Variants in ANKMY1 observed in about 807,000 individuals in gnomAD.
ANKMY1 encodes ankyrin repeat and MYND domain containing 1.
In ANKMY1, 98 loss-of-function variants were observed where a neutral mutation model predicts 102.0. That is an observed-to-expected ratio of 0.96 (90% CI 0.82 to 1.14). The LOEUF is 1.14. Among genes scored for constraint, ANKMY1 ranks in the 50% most tolerant of loss-of-function variants. ANKMY1 has a pLI of 0.00. For synonymous variants in ANKMY1, 582 were observed against 559.9 expected (o/e 1.04, Z -0.56); for missense variants, 1,330 against 1,347.6 (o/e 0.99, Z 0.20).
intron 15 of ANKMY1, among the ~76,000 whole-genome samples, chr2:240,497,229 G>A (rs1393917542): frequency 6.6e-6 from 1 of 152,094 alleles, no homozygotes. Context: ...TAAGAATGGA[G>A]CTGCCACCTC....
intron 1 of ANKMY1, 120 bp from the exon 2 acceptor site, chr2:240,557,472 G>A (rs908448924): frequency 1.1e-5 from 13 of 1,209,532 alleles, no homozygotes; most frequent in South Asian, 2.2e-5. Flanking sequence ...TCCCTGAACC[G>A]CGCCGGAGCC....
rs2081967609 is a variant in ANKMY1 at position 240,520,354 on chromosome 2, GCTC to G, written c.2004+5_2004+7del. The G allele has an allele frequency of 1.3e-6, 2 of 1,534,478 alleles. No homozygotes were observed. Among genetic ancestry groups the G allele is most frequent in the Non-Finnish European group, 1.8e-6 (2 of 1,136,742 alleles). ...CTCGTCCCGGCGCCCGCCCGCCGCG[GCTC>G]CTACCTGCGGCGGAAAGCAGATGTC... On this transcript the variant is annotated splice_donor_5th_base_variant and intron_variant, in intron 9 of 17. Transcript: ENST00000401804. This position sits in a 1 kb window ranked among gnomAD's most constrained non-coding sequence, Gnocchi z 4.8.
upstream of ANKMY1, chr2:240,561,035 C>T (rs2092936252): frequency 2.6e-6 from 4 of 1,529,080 alleles, no homozygotes; most frequent in African/African-American, 1.4e-5. Context: ...GCACCGCGTA[C>T]CTCATGCGGC....
At chr2:240,536,774 C>T (rs922400988) in intron 4 of ANKMY1, among the ~76,000 whole-genome samples, 1 of 152,192 alleles carries the variant, frequency 6.6e-6, no homozygotes, top group Non-Finnish European at 1.5e-5. Flanking sequence ...AATAAAAAGA[C>T]TATGCTTTTT....
chr2:240,557,988 C>G lies in ANKMY1; in HGVS notation c.-125G>C. The G allele has an allele frequency of 1.0e-6, 1 of 985,502 alleles. No homozygotes were observed. Among genetic ancestry groups the G allele is most frequent in the East Asian group, 1.1e-4 (1 of 8,798 alleles). The allele number at this position is 985,502 out of a possible 1,614,324, so 61.0% of individuals were successfully genotyped here. ...CGACTGCTTGCCAGCCCTGCGCCTA[C>G]GGAGAGCGTCGCGTTTCCCTGGAGA... On this transcript the variant is annotated 5_prime_UTR_variant, in exon 1 of 18. Transcript: ENST00000401804.
At chr2:240,512,531 C>T (rs903583206) in intron 10 of ANKMY1, among the ~76,000 whole-genome samples, 4 of 152,230 alleles carry the variant, frequency 2.6e-5, no homozygotes, top group Non-Finnish European at 4.4e-5. Flanking sequence ...GCAAAAGGTC[C>T]GCATGGGGAC....
chr2:240,517,244 C>T (rs576398535), intron 9 of ANKMY1, among the ~76,000 whole-genome samples: 1 of 152,292 alleles, frequency 6.6e-6, no homozygotes, highest in South Asian at 2.1e-4. Context: ...TTTATAGAGT[C>T]AATGAGAACC....
intron 4 of ANKMY1, among the ~76,000 whole-genome samples, chr2:240,541,501 G>A (rs1272726933): frequency 7.0e-6 from 1 of 141,974 alleles, no homozygotes; most frequent in African/African-American, 2.6e-5. Context: ...TTATGTTGTT[G>A]CTTTTTTTTT....
At chr2:240,501,724 G>A (rs78152510) in intron 13 of ANKMY1, among the ~76,000 whole-genome samples, 18,322 of 152,292 alleles carry the variant, frequency 0.12, 1,183 homozygotes, top group African/African-American at 0.16. Context: ...AGTGCGGGAC[G>A]GTGGAATGGC....
chr2:240,545,162 G>C (rs1380717688), intron 4 of ANKMY1, among the ~76,000 whole-genome samples: 1 of 152,240 alleles, frequency 6.6e-6, no homozygotes, highest in Non-Finnish European at 1.5e-5. Context: ...CTGGAGATCT[G>C]AGAACGGGCA....
In ANKMY1 at chr2:240,499,869, G is replaced by A; in HGVS notation, c.2806+89C>T. On this transcript the variant is annotated intron_variant, in intron 15 of 17. Coordinates refer to ENST00000401804, the MANE Select transcript of ANKMY1 (RefSeq NM_001282771.3). This position sits in a 1 kb window ranked among gnomAD's most constrained non-coding sequence, Gnocchi z 4.2. ...CAGGAAGGCCCCTCCAAGAGCCCCA[G>A]GGGGTCCAGATCTCCAGGGATAACA... 1 of 1,459,596 alleles carries A rather than the reference G, an allele frequency of 6.9e-7. No individual in the cohort carries two copies. Among genetic ancestry groups the A allele is most frequent in the Non-Finnish European group, 9.1e-7 (1 of 1,095,880 alleles). The allele number at this position is 1,459,596 out of a possible 1,614,324, so 90.4% of individuals were successfully genotyped here. A position where few individuals can be genotyped will look rare whatever the true frequency, so the allele number is the denominator to read the frequency against.
upstream of ANKMY1, chr2:240,560,875 C>T: frequency 1.4e-6 from 2 of 1,422,564 alleles, no homozygotes; most frequent in South Asian, 1.3e-5. Context: ...CCCGGCGTGG[C>T]AGAGCTGCGC....
chr2:240,557,469 AC>A (rs2092498042), intron 1 of ANKMY1, 117 bp from the exon 2 acceptor site: 2 of 1,231,854 alleles, frequency 1.6e-6, no homozygotes, highest in Non-Finnish European at 2.1e-6. Context: ...CCCTCCCTGA[AC>A]CGCGCCGGAG....
upstream of ANKMY1, chr2:240,560,369 C>G (rs1436967130): frequency 2.0e-5 from 5 of 249,916 alleles, no homozygotes; most frequent in Non-Finnish European, 3.0e-5. Flanking sequence ...AGACGCAAGC[C>G]CAGTGCCACA....
At chr2:240,555,249 A>G in intron 2 of ANKMY1, 194 bp from the exon 3 acceptor site, 1 of 617,564 alleles carries the variant, frequency 1.6e-6, no homozygotes, top group Non-Finnish European at 2.8e-6. Flanking sequence ...AAGGCCACAC[A>G]GGAAGTGGAA....
intron 4 of ANKMY1, among the ~76,000 whole-genome samples, chr2:240,548,062 A>T (rs2090779945): frequency 6.6e-6 from 1 of 152,228 alleles, no homozygotes; most frequent in Admixed American, 6.5e-5. Context: ...CACAACCAAA[A>T]AAGAGAATTT....
chr2:240,474,355 C>A, the ANKMY1 span, among the ~76,000 whole-genome samples: 1 of 150,902 alleles, frequency 6.6e-6, no homozygotes, highest in Non-Finnish European at 1.5e-5. Context: ...GATCCACCCG[C>A]CTCGGCCTCC....
At chr2:240,523,787 G>C in intron 8 of ANKMY1, 98 bp downstream of exon 8, 2 of 1,488,716 alleles carry the variant, frequency 1.3e-6, no homozygotes, top group Non-Finnish European at 1.8e-6. Context: ...CAGACACAAC[G>C]CCTCCCACTG....
At chr2:240,518,817 C>A (rs1025265546) in intron 9 of ANKMY1, among the ~76,000 whole-genome samples, 11 of 152,102 alleles carry the variant, frequency 7.2e-5, no homozygotes, top group Non-Finnish European at 7.4e-5. Context: ...ATGAAATTAT[C>A]CTGAGTCTTA....
Sources: gnomAD v4.1 joint callset for allele counts (sites outside exome capture counted in the v4.1 genomes callset) on GRCh38, gnomAD v4.1.1 for gene constraint, Gnocchi (gnomAD v3.1) non-coding constraint, MANE v1.5 for transcripts, NCBI Gene and HGNC (gene_info 2026-07-23, HGNC 2026-07-21) for gene names.